Variants in CNTNAP5 observed in about 807,000 individuals in gnomAD.
The protein encoded by CNTNAP5 is contactin associated protein family member 5, also known as contactin-associated protein-like 5.
In CNTNAP5, 72 loss-of-function variants were observed where a neutral mutation model predicts 150.2. The observed-to-expected ratio is 0.48, with a 90% CI of 0.40 to 0.58. CNTNAP5 has a LOEUF of 0.58. Among genes scored for constraint, CNTNAP5 ranks in the 20% least tolerant of loss-of-function variants. CNTNAP5 has a pLI of 0.00. For synonymous variants in CNTNAP5, 672 were observed against 619.8 expected (o/e 1.08, Z -1.25); for missense variants, 1,636 against 1,626.2 (o/e 1.01, Z -0.10).
At chr2:124,390,736 C>G (rs756594959) in intron 3 of CNTNAP5, among the ~76,000 whole-genome samples, 1 of 151,990 alleles carries the variant, frequency 6.6e-6, no homozygotes, top group Non-Finnish European at 1.5e-5. Context: ...TTGGCCAAAC[C>G]CTTATACAAA....
chr2:124,519,209 A>C (rs1376880272), intron 8 of CNTNAP5, among the ~76,000 whole-genome samples: 1 of 151,986 alleles, frequency 6.6e-6, no homozygotes, highest in African/African-American at 2.4e-5. Flanking sequence ...GGATTGGGAG[A>C]CAGTATATCA....
intron 1 of CNTNAP5, among the ~76,000 whole-genome samples, chr2:124,089,308 T>TTCG (rs1682765920): frequency 2.6e-5 from 4 of 152,132 alleles, no homozygotes; most frequent in African/African-American, 9.7e-5. Flanking sequence ...AGAAAAATAT[T>TTCG]TCGTTGGACT....
Position 124,242,180 on chromosome 2 carries a change from T to C in CNTNAP5, c.188-20T>C, listed in dbSNP as rs777704941. 4.5e-6 allele frequency: 7 copies of C among 1,559,954 alleles called. No homozygotes were observed. The highest frequency in any genetic ancestry group is 6.1e-6 in the Non-Finnish European group (7 of 1,149,374). ...AGACATTACTACAACTCTCTCTCAC[T>C]CTCTCTGATCCTGTTCCAGGAACTG... On this transcript the variant is annotated intron_variant, in intron 2 of 23. Coordinates refer to ENST00000682447, the MANE Select transcript of CNTNAP5 (RefSeq NM_001367498.1).
At chr2:124,374,950 A>T (rs1476003159) in intron 3 of CNTNAP5, among the ~76,000 whole-genome samples, 4 of 152,134 alleles carry the variant, frequency 2.6e-5, no homozygotes, top group Non-Finnish European at 5.9e-5. Flanking sequence ...AAAATAAATC[A>T]TGGCTATATC....
intron 1 of CNTNAP5, among the ~76,000 whole-genome samples, chr2:124,152,189 G>T (rs1238467565): frequency 6.6e-6 from 1 of 152,154 alleles, no homozygotes; most frequent in African/African-American, 2.4e-5. Flanking sequence ...GTAAAACAGG[G>T]CTTGTCTGAC....
At chr2:124,713,308 C>CT (rs1553434489) in intron 13 of CNTNAP5, among the ~76,000 whole-genome samples, 3 of 57,374 alleles carry the variant, frequency 5.2e-5, no homozygotes, top group Non-Finnish European at 3.9e-5. Context: ...TTTCTTCTTT[C>CT]TCTTTCTTTC....
chr2:124,080,175 G>T (rs955223135), intron 1 of CNTNAP5, among the ~76,000 whole-genome samples: 1 of 152,060 alleles, frequency 6.6e-6, no homozygotes, highest in African/African-American at 2.4e-5. Flanking sequence ...CATTTATTTT[G>T]TGCTCTCTCC....
chr2:124,556,398 C>T (rs1695756431), intron 10 of CNTNAP5, among the ~76,000 whole-genome samples: 1 of 151,910 alleles, frequency 6.6e-6, no homozygotes, highest in Non-Finnish European at 1.5e-5. Flanking sequence ...ATCAAAATTT[C>T]CTCTTGGTGG....
chr2:124,740,839 C>A (rs546162711), intron 13 of CNTNAP5, among the ~76,000 whole-genome samples: 8 of 152,202 alleles, frequency 5.3e-5, no homozygotes, highest in Non-Finnish European at 1.0e-4. Flanking sequence ...GAGGTCATGA[C>A]CTGCTGGGGC....
At chr2:124,128,581 A>T (rs1214034867) in intron 1 of CNTNAP5, among the ~76,000 whole-genome samples, 1 of 152,226 alleles carries the variant, frequency 6.6e-6, no homozygotes, top group Non-Finnish European at 1.5e-5. Flanking sequence ...AAAGAATGAT[A>T]AATCATGCTA....
chr2:124,418,480 T>A (rs1691987111), intron 4 of CNTNAP5, among the ~76,000 whole-genome samples: 1 of 152,024 alleles, frequency 6.6e-6, no homozygotes, highest in African/African-American at 2.4e-5. Flanking sequence ...CCTCACCCCA[T>A]CCCATACATA....
At chr2:124,787,033 G>A (rs1303688680) in intron 17 of CNTNAP5, among the ~76,000 whole-genome samples, 3 of 152,188 alleles carry the variant, frequency 2.0e-5, no homozygotes, top group South Asian at 2.1e-4. Flanking sequence ...GGTTCTGTAA[G>A]TCTCAAACCT....
chr2:124,353,903 A>G (rs1009545283), intron 3 of CNTNAP5, among the ~76,000 whole-genome samples: 1 of 152,176 alleles, frequency 6.6e-6, no homozygotes, highest in Non-Finnish European at 1.5e-5. Context: ...AAGGGAGTTC[A>G]TGCATTTGAT....
intron 13 of CNTNAP5, among the ~76,000 whole-genome samples, chr2:124,655,741 T>C (rs1015851460): frequency 6.6e-6 from 1 of 151,450 alleles, no homozygotes; most frequent in African/African-American, 2.4e-5. Context: ...CTACAAAAGA[T>C]ATTTAAAAAG....
chr2:124,079,824 G>A (rs532945914), intron 1 of CNTNAP5, among the ~76,000 whole-genome samples: 3 of 152,198 alleles, frequency 2.0e-5, no homozygotes, highest in East Asian at 3.9e-4. Flanking sequence ...GGTTCAAAAT[G>A]CAGGCTCAAT....
At chr2:124,193,018 C>A (rs539835743) in intron 1 of CNTNAP5, among the ~76,000 whole-genome samples, 1 of 152,306 alleles carries the variant, frequency 6.6e-6, no homozygotes, top group African/African-American at 2.4e-5. Flanking sequence ...TTCAGGTCTT[C>A]TCTGGCTTGT....
chr2:124,139,806 C>T (rs929763408), intron 1 of CNTNAP5, among the ~76,000 whole-genome samples: 3 of 152,168 alleles, frequency 2.0e-5, no homozygotes, highest in African/African-American at 7.2e-5. Flanking sequence ...CGAATAGGAA[C>T]AGCTCCGGTC....
chr2:124,398,560 G>C (rs1573966756), intron 3 of CNTNAP5, among the ~76,000 whole-genome samples: 1 of 151,964 alleles, frequency 6.6e-6, no homozygotes, highest in Admixed American at 6.6e-5. Flanking sequence ...ACAATGGCCT[G>C]ATCTTGGCTC....
intron 11 of CNTNAP5, among the ~76,000 whole-genome samples, chr2:124,598,587 C>T (rs1284461096): frequency 1.3e-5 from 2 of 150,714 alleles, no homozygotes; most frequent in Non-Finnish European, 3.0e-5. Flanking sequence ...GAGGTTACTG[C>T]TGTCTTTTTG....
Sources: allele counts gnomAD v4.1 joint callset (sites outside exome capture counted in the v4.1 genomes callset), GRCh38; gene constraint gnomAD v4.1.1; transcripts MANE v1.5; gene names NCBI Gene and HGNC (gene_info 2026-07-23, HGNC 2026-07-21).